The following ATXN7L1 variants were observed in gnomAD, a reference collection of about 807,000 sequenced individuals.
ATXN7L1 encodes ataxin 7 like 1, also known as ataxin-7-like protein 1.
ATXN7L1 carries 15 observed loss-of-function variants against 70.8 expected under a neutral mutation model. The observed-to-expected ratio is 0.21, with a 90% CI of 0.14 to 0.33. ATXN7L1 has a LOEUF of 0.33. Among genes scored for constraint, ATXN7L1 ranks in the 10% least tolerant of loss-of-function variants. The probability of loss-of-function intolerance (pLI) is 1.00; values close to 1 mark genes in which losing one functional copy is unlikely to be tolerated. For synonymous variants in ATXN7L1, 440 were observed against 445.1 expected (o/e 0.99, Z 0.14); for missense variants, 975 against 1,097.1 (o/e 0.89, Z 1.57).
intron 7 of ATXN7L1, among the ~76,000 whole-genome samples, chr7:105,626,905 C>G (rs369621566): frequency 2.6e-5 from 4 of 152,156 alleles, no homozygotes; most frequent in African/African-American, 9.7e-5. Context: ...CACGATCACC[C>G]GGAACATGAA....
chr7:105,639,069 C>T (rs1797778989), intron 6 of ATXN7L1, among the ~76,000 whole-genome samples: 1 of 152,118 alleles, frequency 6.6e-6, no homozygotes, highest in Non-Finnish European at 1.5e-5. Flanking sequence ...GTCAGCTGTT[C>T]CCCTGGCCAC....
chr7:105,861,065 T>C (rs1466986752), intron 2 of ATXN7L1, among the ~76,000 whole-genome samples: 1 of 150,394 alleles, frequency 6.6e-6, no homozygotes, highest in Non-Finnish European at 1.5e-5. Context: ...TGGCTGGCCC[T>C]GGGGAAGGAG....
chr7:105,864,797 C>A (rs1290612471), intron 2 of ATXN7L1, among the ~76,000 whole-genome samples: 1 of 152,060 alleles, frequency 6.6e-6, no homozygotes, highest in Non-Finnish European at 1.5e-5. Flanking sequence ...CCATACCTGG[C>A]TAATTTTTGT....
chr7:105,613,424 T>C, intron 10 of ATXN7L1: 6 of 955,666 alleles, frequency 6.3e-6, no homozygotes, highest in Non-Finnish European at 7.5e-6. Context: ...TTAACCTGCC[T>C]GGGCCTCAAG....
intron 3 of ATXN7L1, among the ~76,000 whole-genome samples, chr7:105,702,573 TAC>T (rs1312248897): frequency 2.0e-5 from 3 of 150,506 alleles, no homozygotes; most frequent in Non-Finnish European, 4.4e-5. Context: ...CAGACACACA[TAC>T]ACACACACAC....
At chr7:105,708,339 T>C (rs894651719) in intron 3 of ATXN7L1, among the ~76,000 whole-genome samples, 2 of 152,210 alleles carry the variant, frequency 1.3e-5, no homozygotes, top group Non-Finnish European at 2.9e-5. Flanking sequence ...TGTGATTCTG[T>C]GAGGCACCCA....
intron 4 of ATXN7L1, among the ~76,000 whole-genome samples, chr7:105,656,574 T>C (rs1800669997): frequency 7.5e-6 from 1 of 133,074 alleles, no homozygotes; most frequent in Non-Finnish European, 1.6e-5. Context: ...TTCTTCTTCT[T>C]CCTTTTTTTT....
rs912910085 is a variant in ATXN7L1, at chr7:105,624,132, G to A, written c.1338C>T (p.Ala446=). 7.9e-6 allele frequency: 12 copies of A among 1,526,988 alleles called. No individual in the cohort carries two copies. Among genetic ancestry groups the A allele is most frequent in the South Asian group, 1.2e-5 (1 of 81,130 alleles). The allele number at this position is 1,526,988 out of a possible 1,614,324, so 94.6% of individuals were successfully genotyped here. ...GACAGTCTAGCTTCTCGGATTCGTCGGCTCCGTCCATCTCCCCTTCATCAC... is the reference window on the plus strand; with the variant it reads ...GACAGTCTAGCTTCTCGGATTCGTCAGCTCCGTCCATCTCCCCTTCATCAC... The part of the protein sequence containing the change: ...LSSDEGEMDG[A]DESEKLDCQF... Residue 446 remains alanine, a synonymous_variant, in exon 8 of 12, where the codon GCC becomes GCT. Transcript: ENST00000419735.
At chr7:105,645,579 CA>C (rs968753261) in intron 4 of ATXN7L1, among the ~76,000 whole-genome samples, 1 of 147,912 alleles carries the variant, frequency 6.8e-6, no homozygotes, top group African/African-American at 2.5e-5. Context: ...GGTGGATCAC[CA>C]GGTCAGGAGA....
chr7:105,790,773 G>C (rs1192628883), intron 2 of ATXN7L1, among the ~76,000 whole-genome samples: 2 of 151,710 alleles, frequency 1.3e-5, no homozygotes, highest in South Asian at 2.1e-4. Flanking sequence ...GTGCACCATC[G>C]GGTGGAGACA....
intron 3 of ATXN7L1, chr7:105,760,252 A>G: frequency 4.1e-6 from 4 of 982,236 alleles, no homozygotes; most frequent in Non-Finnish European, 4.8e-6. Context: ...GACAAAGGAT[A>G]TTTATGTATG....
At chr7:105,644,355 G>A (rs558299460) in intron 4 of ATXN7L1, among the ~76,000 whole-genome samples, 5 of 152,280 alleles carry the variant, frequency 3.3e-5, no homozygotes, top group Non-Finnish European at 5.9e-5. Flanking sequence ...CTTTGCCAGC[G>A]AGAAGGGCAC....
At chr7:105,714,517 T>C (rs1334940198) in intron 3 of ATXN7L1, among the ~76,000 whole-genome samples, 1 of 152,112 alleles carries the variant, frequency 6.6e-6, no homozygotes, top group Non-Finnish European at 1.5e-5. Context: ...TTATAATACA[T>C]ATTACAGTTT....
Position 105,761,243 on chromosome 7 carries a change from G to A in ATXN7L1, c.355+27361C>T, listed in dbSNP as rs1021932657. ...GATCCTGACACCAGAGTGTGCTCAC[G>A]AATTTGCAGTGAATGGAAGCTTGTC... On this transcript the variant is annotated intron_variant, in intron 3 of 11. Transcript: ENST00000419735. The A allele has an allele frequency of 1.0e-4, 158 of 1,507,444 alleles. 1 individual carries two copies. The highest frequency in any genetic ancestry group is 1.2e-4 in the Non-Finnish European group (132 of 1,131,594). 93.4% of individuals were successfully genotyped at this position (1,507,444 alleles called of 1,614,324 possible). A position where few individuals can be genotyped will look rare whatever the true frequency, so the allele number is the denominator to read the frequency against.
rs375238925 is a variant in ATXN7L1 at position 105,855,075 on chromosome 7, C to T, written c.250+20737G>A. ...GTTCAGGTGATTCTCCTGCCTCAGC[C>T]TCCCAAGTAGCTGGAACTACAGGTG... is the stretch of plus-strand genomic sequence containing the variant. On this transcript the variant is annotated intron_variant, in intron 2 of 11. Coordinates refer to ENST00000419735, the MANE Select transcript of ATXN7L1 (RefSeq NM_020725.2). Among the ~76,000 whole-genome samples the T allele has an allele frequency of 1.7e-4, 26 of 152,148 alleles. No individual in the cohort carries two copies. The East Asian group carries it at 4.6e-3, about 27-fold the overall frequency.
chr7:105,782,756 C>T (rs558334007), intron 3 of ATXN7L1, among the ~76,000 whole-genome samples: 1 of 152,330 alleles, frequency 6.6e-6, no homozygotes, highest in South Asian at 2.1e-4. Flanking sequence ...CCAATATTTG[C>T]AAAGCCAAGC....
At chr7:105,693,239 T>C (rs1000449485) in intron 3 of ATXN7L1, among the ~76,000 whole-genome samples, 1 of 152,176 alleles carries the variant, frequency 6.6e-6, no homozygotes, top group Non-Finnish European at 1.5e-5. Flanking sequence ...TTGCCCAGGC[T>C]GGAGTGCAGT....
intron 3 of ATXN7L1, among the ~76,000 whole-genome samples, chr7:105,680,830 C>A (rs992976235): frequency 6.6e-5 from 10 of 152,208 alleles, no homozygotes; most frequent in African/African-American, 2.4e-4. Flanking sequence ...TTCCTAGTAT[C>A]TCTGCAAAGA....
At position 105,692,411 on chromosome 7, in the gene ATXN7L1, T is replaced by TTCCCTCCC. The variant is rs1554431637; in HGVS notation, c.356-27124_356-27123insGGGAGGGA. ...CTTCCTTCCTTCCTTCCTTCCTTCCTTCCTTCCTTCCTTCCTCCCTCCCTC... is the reference window on the plus strand; with the variant it reads ...CTTCCTTCCTTCCTTCCTTCCTTCCTTCCCTCCCTCCTTCCTTCCTTCCTCCCTCCCTC... On this transcript the variant is annotated intron_variant, in intron 3 of 11. Transcript: ENST00000419735. Among the ~76,000 whole-genome samples, 32 of 119,466 alleles carry TTCCCTCCC rather than the reference T, an allele frequency of 2.7e-4. 1 individual carries two copies. The highest frequency in any genetic ancestry group is 8.8e-4 in the African/African-American group (28 of 31,922). The allele number at this position is 119,466 out of a possible 152,430, so 78.4% of individuals were successfully genotyped here.
Sources: allele counts gnomAD v4.1 joint callset (sites outside exome capture counted in the v4.1 genomes callset), GRCh38; gene constraint gnomAD v4.1.1; transcripts MANE v1.5; gene names NCBI Gene and HGNC (gene_info 2026-07-23, HGNC 2026-07-21).